Variants in RIN2 observed in about 807,000 individuals in gnomAD.
RIN2 encodes the protein Ras and Rab interactor 2, also known as RAB5 interacting protein 2.
A neutral mutation model predicts 78.0 loss-of-function variants in RIN2; 36 were observed. The observed-to-expected ratio is 0.46, with a 90% CI of 0.35 to 0.61. RIN2 has a LOEUF of 0.61. Among genes scored for constraint, RIN2 ranks in the 20% least tolerant of loss-of-function variants. The pLI, the probability that RIN2 is intolerant of heterozygous loss-of-function variation, is 0.00. For synonymous variants in RIN2, 466 were observed against 466.8 expected, an observed-to-expected ratio of 1.00 and a Z score of 0.02; for missense variants, 1,087 against 1,159.7, an observed-to-expected ratio of 0.94 and a Z score of 0.91.
At chr20:19,858,413 T>C (rs1211310749) in intron 2 of RIN2, among the ~76,000 whole-genome samples, 1 of 152,098 alleles carries the variant, frequency 6.6e-6, no homozygotes, top group Admixed American at 6.5e-5. Context: ...AGCCTTTGAG[T>C]CTGGGTAACC....
At chr20:19,771,603 CCATCCACACA>C (rs2034126655) in intron 1 of RIN2, among the ~76,000 whole-genome samples, 1 of 152,180 alleles carries the variant, frequency 6.6e-6, no homozygotes, top group African/African-American at 2.4e-5. Context: ...TTTCCGTAGT[CCATCCACACA>C]CCTCTTCGGA....
In RIN2 at chr20:19,990,270, G is replaced by A. The variant is rs567590350; in HGVS notation, c.2027G>A (p.Arg676Gln). The A allele has an allele frequency of 1.4e-4, 228 of 1,613,696 alleles. 5 individuals are homozygous for A. In the South Asian group the frequency reaches 2.1e-3, roughly 15 times the overall value. ...SPEKKVMLLL[R>Q]VCKLIYTVME... The stretch of plus-strand genomic sequence containing the variant: ...GAAAAGAAGGTCATGCTGCTGCTGC[G>A]GGTCTGCAAGCTCATTTACACGGTC... Residue 676 changes from arginine (R) to glutamine (Q), a missense_variant, in exon 10 of 13, where the codon CGG becomes CAG. Coordinates refer to ENST00000255006, the MANE Select transcript of RIN2 (RefSeq NM_018993.4).
intron 2 of RIN2, among the ~76,000 whole-genome samples, chr20:19,875,843 C>T (rs2037839513): frequency 6.6e-6 from 1 of 152,150 alleles, no homozygotes; most frequent in African/African-American, 2.4e-5. Context: ...TAAAGAGCTG[C>T]TGAAGCCATT....
At chr20:19,758,801 C>T (rs1412337562) in intron 1 of RIN2, among the ~76,000 whole-genome samples, 1 of 152,144 alleles carries the variant, frequency 6.6e-6, no homozygotes, top group Non-Finnish European at 1.5e-5. Context: ...GGGTCAGACC[C>T]GGTGTCGCAC....
At chr20:19,792,752 A>C (rs954459962) in intron 1 of RIN2, among the ~76,000 whole-genome samples, 1 of 152,156 alleles carries the variant, frequency 6.6e-6, no homozygotes. Flanking sequence ...AGCATATTCT[A>C]TTACCCCTTC....
At chr20:19,917,575 A>C (rs6046453) in intron 3 of RIN2, among the ~76,000 whole-genome samples, 5 of 152,336 alleles carry the variant, frequency 3.3e-5, no homozygotes, top group African/African-American at 1.2e-4. Flanking sequence ...ATGCATTCAG[A>C]TTTTTGTTCT....
At chr20:19,830,870 G>C (rs910583456) in intron 2 of RIN2, among the ~76,000 whole-genome samples, 1 of 152,194 alleles carries the variant, frequency 6.6e-6, no homozygotes, top group Non-Finnish European at 1.5e-5. Context: ...TGATGCTGGT[G>C]GGGGTACAAT....
chr20:19,781,612 G>A (rs1044539139), intron 1 of RIN2, among the ~76,000 whole-genome samples: 2 of 152,146 alleles, frequency 1.3e-5, no homozygotes, highest in East Asian at 1.9e-4. Context: ...ATTTTTAGTA[G>A]AGACGGGGTT....
chr20:19,904,290 T>TA lies in RIN2; in HGVS notation c.57+14639dup, dbSNP rs911271370. On this transcript the variant is annotated intron_variant, in intron 3 of 12. Transcript: ENST00000255006. ...TATATATATATATTTGCTGGATGAA[T>TA]AAAAAAATGTGTAGCACACATCTGT... 4.7e-5 allele frequency among the ~76,000 whole-genome samples: 7 copies of TA among 149,274 alleles called. No homozygotes were observed. In the South Asian group the frequency reaches 1.1e-3, roughly 22 times the overall value.
At chr20:19,781,692 T>C (rs1457217171) in intron 1 of RIN2, among the ~76,000 whole-genome samples, 1 of 152,024 alleles carries the variant, frequency 6.6e-6, no homozygotes, top group Non-Finnish European at 1.5e-5. Context: ...CTTCCCAAAG[T>C]GGTGAGATTG....
rs73605552 is a variant in RIN2 at position 19,948,418 on chromosome 20, G to A, written c.159-8197G>A. Among the ~76,000 whole-genome samples, 3,530 of 152,088 alleles carry A rather than the reference G, an allele frequency of 0.023. 323 individuals are homozygous for A. The East Asian group carries it at 0.29, about 13-fold the overall frequency. On this transcript the variant is annotated intron_variant, in intron 4 of 12. Transcript: ENST00000255006. Reference sequence around the variant, plus strand: ...TACATATACATATTTTTTTGGAGACGCAGTATCCATCTGTCTCCCAGGCTG... The same window carrying A: ...TACATATACATATTTTTTTGGAGACACAGTATCCATCTGTCTCCCAGGCTG...
At chr20:19,780,218 C>G (rs886961439) in intron 1 of RIN2, among the ~76,000 whole-genome samples, 4 of 152,184 alleles carry the variant, frequency 2.6e-5, no homozygotes, top group East Asian at 1.9e-4. Flanking sequence ...AATTTTAAGG[C>G]TGCATTTGCC....
At chr20:19,895,271 G>T (rs1006380849) in intron 3 of RIN2, among the ~76,000 whole-genome samples, 4 of 152,188 alleles carry the variant, frequency 2.6e-5, no homozygotes, top group African/African-American at 9.7e-5. Flanking sequence ...TAAGGGATTT[G>T]TTCTTTCCAT....
chr20:19,976,998 T>C (rs2042297923), intron 9 of RIN2, among the ~76,000 whole-genome samples: 1 of 152,000 alleles, frequency 6.6e-6, no homozygotes, highest in South Asian at 2.1e-4. Flanking sequence ...GTTGCTGGAG[T>C]GAGTGGCTAA....
intron 2 of RIN2, among the ~76,000 whole-genome samples, chr20:19,839,853 G>A (rs1004230831): frequency 4.6e-5 from 7 of 152,308 alleles, no homozygotes; most frequent in African/African-American, 1.7e-4. Context: ...TTTAAAGTGA[G>A]AGTAAGCAGT....
chr20:19,766,391 T>C (rs1412009414), intron 1 of RIN2, among the ~76,000 whole-genome samples: 1 of 152,072 alleles, frequency 6.6e-6, no homozygotes, highest in Non-Finnish European at 1.5e-5. Context: ...CATGGGACGT[T>C]GGGATCAGAG....
chr20:19,890,829 C>T (rs547864739), intron 3 of RIN2, among the ~76,000 whole-genome samples: 1 of 152,166 alleles, frequency 6.6e-6, no homozygotes, highest in Admixed American at 6.5e-5. Flanking sequence ...TTATAGGATT[C>T]GGGGATCTAG....
In RIN2 at chr20:19,889,550, A is replaced by G. The variant is rs1243585403; in HGVS notation, c.-36-16A>G. On this transcript the variant is annotated splice_polypyrimidine_tract_variant and intron_variant, in intron 2 of 12. Transcript: ENST00000255006. ...CTACAGGCTGGACTAACCATTAAAAATGTCTCTACCTTCAGGAGTCCCCGG... is the reference window on the plus strand; with the variant it reads ...CTACAGGCTGGACTAACCATTAAAAGTGTCTCTACCTTCAGGAGTCCCCGG... The G allele has an allele frequency of 6.5e-6, 10 of 1,546,966 alleles. No individual in the cohort carries two copies. In the Admixed American group the frequency reaches 2.0e-4, roughly 30 times the overall value.
intron 1 of RIN2, among the ~76,000 whole-genome samples, chr20:19,766,892 A>G (rs1280785139): frequency 2.0e-5 from 3 of 151,350 alleles, no homozygotes; most frequent in Non-Finnish European, 4.4e-5. Context: ...AGCCTGGGCA[A>G]TAGCGTGAGA....
Sources: gnomAD v4.1 joint callset for allele counts (sites outside exome capture counted in the v4.1 genomes callset) on GRCh38, gnomAD v4.1.1 for gene constraint, MANE v1.5 for transcripts, NCBI Gene and HGNC (gene_info 2026-07-23, HGNC 2026-07-21) for gene names.